Variants in SNX29 observed in about 807,000 individuals in gnomAD.
SNX29 encodes the protein sorting nexin 29.
A neutral mutation model predicts 102.1 loss-of-function variants in SNX29; 78 were observed. The ratio of observed to expected loss-of-function variants is 0.76; its 90% CI spans 0.64 to 0.92. The LOEUF is 0.92. Ranked by LOEUF, SNX29 falls within the 40% of genes least tolerant of loss-of-function variation. The probability of loss-of-function intolerance (pLI) is 0.00; values close to 1 mark genes in which losing one functional copy is unlikely to be tolerated. For missense variants in SNX29, 1,280 were observed against 1,061.7 expected, an observed-to-expected ratio of 1.21 and a Z score of -2.86; for synonymous variants, 580 against 414.5, an observed-to-expected ratio of 1.40 and a Z score of -4.85.
intron 14 of SNX29, among the ~76,000 whole-genome samples, chr16:12,204,675 G>A (rs2077001474): frequency 6.6e-6 from 1 of 152,242 alleles, no homozygotes; most frequent in African/African-American, 2.4e-5. Context: ...AGATGAGGGA[G>A]GCTTGGGAGC....
intron 20 of SNX29, among the ~76,000 whole-genome samples, chr16:12,549,434 G>A (rs61486355): frequency 2.0e-5 from 3 of 152,338 alleles, no homozygotes; most frequent in African/African-American, 4.8e-5. Context: ...GGTGGAGGTT[G>A]CAGTGACCTA....
intron 13 of SNX29, among the ~76,000 whole-genome samples, chr16:12,175,020 C>A (rs2076229423): frequency 6.6e-6 from 1 of 152,088 alleles, no homozygotes; most frequent in Non-Finnish European, 1.5e-5. Flanking sequence ...ACAAGCAATG[C>A]TAATTATATT....
intron 16 of SNX29, among the ~76,000 whole-genome samples, chr16:12,390,168 G>A (rs2083476431): frequency 6.6e-6 from 1 of 151,880 alleles, no homozygotes; most frequent in African/African-American, 2.4e-5. Flanking sequence ...GTGTGTGTGT[G>A]TGTGTGTGTG....
intron 16 of SNX29, chr16:12,375,392 A>T (rs1346656815): frequency 6.6e-6 from 1 of 152,214 alleles, no homozygotes; most frequent in Non-Finnish European, 1.5e-5. Flanking sequence ...TTTGGCAGTG[A>T]CAGCATTTAC....
In SNX29 at chr16:12,570,598, G is replaced by C. The variant is rs150385924; in HGVS notation, c.*1969G>C. ...CTCCCTGGCCTGGGTAGCTACCCTG[G>C]AGGTCATCTCCCTGTTCTCTGTTGG... is the stretch of plus-strand genomic sequence containing the variant. On this transcript the variant is annotated 3_prime_UTR_variant, in exon 21 of 21. Transcript: ENST00000566228. 3.5e-4 allele frequency: 81 copies of C among 232,200 alleles called. No homozygotes were observed. Among genetic ancestry groups the C allele is most frequent in the Non-Finnish European group, 4.9e-4 (58 of 117,442 alleles). 14.4% of individuals were successfully genotyped at this position (232,200 alleles called of 1,614,324 possible). A position where few individuals can be genotyped will look rare whatever the true frequency, so the allele number is the denominator to read the frequency against.
chr16:12,396,872 C>G (rs779460797), intron 16 of SNX29, among the ~76,000 whole-genome samples: 4 of 152,132 alleles, frequency 2.6e-5, no homozygotes, highest in African/African-American at 9.7e-5. Flanking sequence ...GTAGAAAGTA[C>G]AAAAAAGTTC....
intron 20 of SNX29, among the ~76,000 whole-genome samples, chr16:12,561,395 G>A (rs1026851963): frequency 3.3e-5 from 5 of 152,108 alleles, no homozygotes; most frequent in South Asian, 2.1e-4. Flanking sequence ...CCACATCCCC[G>A]CCACACACAC....
At chr16:12,167,782 C>T (rs1193429844) in intron 13 of SNX29, among the ~76,000 whole-genome samples, 1 of 152,152 alleles carries the variant, frequency 6.6e-6, no homozygotes, top group Non-Finnish European at 1.5e-5. Context: ...CAGTGTGATT[C>T]TACATCAGGG....
chr16:12,541,341 C>T (rs548260567), intron 20 of SNX29, among the ~76,000 whole-genome samples: 4 of 152,008 alleles, frequency 2.6e-5, no homozygotes, highest in Non-Finnish European at 4.4e-5. Flanking sequence ...CCAGAATTAC[C>T]TTCTTCATTC....
At chr16:12,478,658 A>AG (rs1342059028) in intron 19 of SNX29, among the ~76,000 whole-genome samples, 1 of 152,206 alleles carries the variant, frequency 6.6e-6, no homozygotes, top group East Asian at 1.9e-4. Flanking sequence ...TCAAATGGTC[A>AG]GCTTCAGCCA....
chr16:12,354,229 T>C lies in SNX29; in HGVS notation c.1783-1934T>C, dbSNP rs113762339. ...TGGCTGTAGGTAGGGATATGTGATATAAAAACTCAGAGTTTCAGAGGTTAG... is the reference window on the plus strand; with the variant it reads ...TGGCTGTAGGTAGGGATATGTGATACAAAAACTCAGAGTTTCAGAGGTTAG... On this transcript the variant is annotated intron_variant, in intron 15 of 20. Transcript: ENST00000566228. Among the ~76,000 whole-genome samples, 734 of 152,336 alleles carry C rather than the reference T, an allele frequency of 4.8e-3. 5 individuals are homozygous for C. Among genetic ancestry groups the C allele is most frequent in the African/African-American group, 0.017 (709 of 41,586 alleles).
intron 18 of SNX29, among the ~76,000 whole-genome samples, chr16:12,410,827 C>T (rs974193676): frequency 6.6e-5 from 10 of 152,218 alleles, no homozygotes; most frequent in African/African-American, 2.2e-4. Context: ...TAGATCACGG[C>T]ATCTTGGCAG....
intron 15 of SNX29, among the ~76,000 whole-genome samples, chr16:12,339,370 CAAAAA>C (rs58148692): frequency 9.4e-4 from 53 of 56,282 alleles, no homozygotes; most frequent in African/African-American, 3.9e-3. Context: ...GATTCTGTCT[CAAAAA>C]AAAAAAAAAA....
chr16:12,546,305 A>G (rs1419710397), intron 20 of SNX29: 1 of 152,256 alleles, frequency 6.6e-6, no homozygotes, highest in African/African-American at 2.4e-5. Flanking sequence ...GACATACCTG[A>G]GACTGTGCAA....
intron 20 of SNX29, among the ~76,000 whole-genome samples, chr16:12,564,814 C>G (rs769147477): frequency 4.6e-5 from 7 of 151,760 alleles, no homozygotes; most frequent in African/African-American, 9.7e-5. Flanking sequence ...TTCCAGAAGT[C>G]TCGGTGGTAC....
At position 12,002,703 on chromosome 16, in the gene SNX29, A is replaced by G. The variant is rs1365832592; in HGVS notation, c.70-288A>G. On this transcript the variant is annotated intron_variant, in intron 2 of 20. Coordinates refer to ENST00000566228, the MANE Select transcript of SNX29 (RefSeq NM_032167.5). ...GCAGGAGCAGCTTCCTGGATAATGC[A>G]CAGATGGCTGTGTGCTTTTGTTTTT... Among the ~76,000 whole-genome samples the G allele has an allele frequency of 3.9e-5, 6 of 152,246 alleles. 1 individual carries two copies. The highest frequency in any genetic ancestry group is 8.8e-5 in the Non-Finnish European group (6 of 68,044).
At chr16:12,199,529 C>G (rs1015967889) in intron 13 of SNX29, 72 bp from the exon 14 acceptor site, 11 of 1,337,744 alleles carry the variant, frequency 8.2e-6, no homozygotes, top group Non-Finnish European at 1.0e-5. Flanking sequence ...CACCACCCAC[C>G]CCTGCCCCCT....
intron 16 of SNX29, among the ~76,000 whole-genome samples, chr16:12,380,197 G>C (rs1368993670): frequency 7.4e-6 from 1 of 135,336 alleles, no homozygotes. Context: ...CTCGGTTCCA[G>C]GGGTTCAGAA....
intron 10 of SNX29, among the ~76,000 whole-genome samples, chr16:12,075,779 C>A (rs1014308006): frequency 1.3e-5 from 2 of 152,126 alleles, no homozygotes; most frequent in Non-Finnish European, 2.9e-5. Flanking sequence ...GTGGAGCCTA[C>A]AGAGGCAGGC....
Sources: allele counts gnomAD v4.1 joint callset (sites outside exome capture counted in the v4.1 genomes callset), GRCh38; gene constraint gnomAD v4.1.1; transcripts MANE v1.5; gene names NCBI Gene and HGNC (gene_info 2026-07-23, HGNC 2026-07-21).